Variants in MAML2 observed in about 807,000 individuals in gnomAD.
MAML2 encodes the protein mastermind like transcriptional coactivator 2, also known as mastermind-like protein 2.
MAML2 carries 22 observed loss-of-function variants against 96.1 expected under a neutral mutation model. The observed-to-expected ratio is 0.23, with a 90% CI of 0.16 to 0.33. The LOEUF is 0.33. MAML2 is among the 10% of genes least tolerant of loss of function. The pLI, the probability that MAML2 is intolerant of heterozygous loss-of-function variation, is 1.00. For missense variants in MAML2, 1,367 were observed against 1,392.4 expected (o/e 0.98, Z 0.29); for synonymous variants, 561 against 521.3 (o/e 1.08, Z -1.04).
Position 96,014,108 on chromosome 11 carries a change from C to T in MAML2, c.2140-22385G>A, listed in dbSNP as rs533554449. On this transcript the variant is annotated intron_variant, in intron 2 of 4. Coordinates refer to ENST00000524717, the MANE Select transcript of MAML2 (RefSeq NM_032427.4). Reference sequence around the variant, plus strand: ...TATGCTCCCTTAGAGGTTTGATCAGCGGGGCACTGATGAAGCGAGCCACTT... The same window carrying T: ...TATGCTCCCTTAGAGGTTTGATCAGTGGGGCACTGATGAAGCGAGCCACTT... 7.2e-5 allele frequency among the ~76,000 whole-genome samples: 11 copies of T among 152,258 alleles called. 1 individual carries two copies. The South Asian group carries it at 1.0e-3, about 14-fold the overall frequency.
rs183364434 is a variant in MAML2 at position 96,317,662 on chromosome 11, G to A, written c.513+23721C>T. Among the ~76,000 whole-genome samples the A allele has an allele frequency of 1.9e-3, 290 of 152,342 alleles. 1 individual carries two copies. Among genetic ancestry groups the A allele is most frequent in the Non-Finnish European group, 2.0e-3 (134 of 68,030 alleles). ...AAGAGGAACTGAAAATAGGGCTGCA[G>A]GCTGCCCAGCTTTGGAAAGGCAAGA... On this transcript the variant is annotated intron_variant, in intron 1 of 4. Transcript: ENST00000524717.
chr11:96,314,407 C>T (rs1863599847), intron 1 of MAML2, among the ~76,000 whole-genome samples: 1 of 152,240 alleles, frequency 6.6e-6, no homozygotes, highest in South Asian at 2.1e-4. Flanking sequence ...TTGATATCCC[C>T]TCTTTCCTAG....
intron 2 of MAML2, among the ~76,000 whole-genome samples, chr11:96,071,720 A>G (rs1859347573): frequency 6.6e-6 from 1 of 152,212 alleles, no homozygotes; most frequent in Admixed American, 6.5e-5. Context: ...ACTGGAATTT[A>G]TTTTTAAATT....
At chr11:96,332,643 C>A (rs1343772035) in intron 1 of MAML2, among the ~76,000 whole-genome samples, 1 of 152,202 alleles carries the variant, frequency 6.6e-6, no homozygotes, top group Non-Finnish European at 1.5e-5. Context: ...GGATAATACA[C>A]TAGCACATAC....
chr11:96,242,199 G>A (rs1862446624), intron 1 of MAML2, among the ~76,000 whole-genome samples: 1 of 152,190 alleles, frequency 6.6e-6, no homozygotes, highest in Admixed American at 6.5e-5. Context: ...AACCCTTGAT[G>A]AATAAAGTGA....
chr11:96,342,497 A>C lies in MAML2; in HGVS notation c.-602T>G. ...ACAGTGCTGTTTCAGAAGATGTTTAAGTCACTGTTCAAAATGTGCAAAAAT... is the reference window on the plus strand; with the variant it reads ...ACAGTGCTGTTTCAGAAGATGTTTACGTCACTGTTCAAAATGTGCAAAAAT... On this transcript the variant is annotated 5_prime_UTR_variant, in exon 1 of 5. Coordinates refer to ENST00000524717, the MANE Select transcript of MAML2 (RefSeq NM_032427.4). The C allele has an allele frequency of 2.5e-6, 1 of 398,588 alleles. No homozygotes were observed. The highest frequency in any genetic ancestry group is 4.4e-6 in the Non-Finnish European group (1 of 226,062). The allele number at this position is 398,588 out of a possible 1,614,324, so 24.7% of individuals were successfully genotyped here.
At chr11:95,983,536 A>C (rs1477871709) in intron 4 of MAML2, among the ~76,000 whole-genome samples, 2 of 152,214 alleles carry the variant, frequency 1.3e-5, no homozygotes, top group African/African-American at 4.8e-5. Context: ...CTATGTTTTC[A>C]AATACCAAGA....
chr11:96,251,900 T>C (rs1477030950), intron 1 of MAML2, among the ~76,000 whole-genome samples: 1 of 151,754 alleles, frequency 6.6e-6, no homozygotes, highest in Admixed American at 6.6e-5. Context: ...CACAGCTAAT[T>C]TTTTTGTATT....
rs1252980876 is a variant in MAML2 at position 95,979,876 on chromosome 11, A to T, written c.2543T>A (p.Leu848His). ...THTILTPNSS[L>H]LSTSHGTRMP... ...TCTTGTCCCGTGAGAAGTAGACAGG[A>T]GGCTGGAATTGGGAGTTAAAATGGT... Residue 848 changes from leucine (L) to histidine (H), a missense_variant, in exon 5 of 5, where the codon CTC becomes CAC. Physicochemically the swap from Leu to His is moderately conservative, Grantham distance 99 (BLOSUM62 -3). Coordinates refer to ENST00000524717, the MANE Select transcript of MAML2 (RefSeq NM_032427.4). The T allele has an allele frequency of 6.2e-7, 1 of 1,613,916 alleles. No homozygotes were observed. Among genetic ancestry groups the T allele is most frequent in the Non-Finnish European group, 8.5e-7 (1 of 1,179,842 alleles).
At chr11:96,240,508 G>A (rs1472623886) in intron 1 of MAML2, among the ~76,000 whole-genome samples, 1 of 127,690 alleles carries the variant, frequency 7.8e-6, no homozygotes, top group East Asian at 2.5e-4. Flanking sequence ...CCGAGATTGC[G>A]CCACTGCAGT....
chr11:96,341,247 C>G, intron 1 of MAML2, 136 bp downstream of exon 1: 1 of 984,224 alleles, frequency 1.0e-6, no homozygotes, highest in Non-Finnish European at 1.5e-6. Context: ...CGAACACACC[C>G]AATGGCCTTT....
At chr11:96,091,807 A>T in intron 2 of MAML2, 85 bp downstream of exon 2, 1 of 1,504,514 alleles carries the variant, frequency 6.6e-7, no homozygotes, top group Admixed American at 2.2e-5. Flanking sequence ...ATCTTGTCCC[A>T]ATACAAACAT....
chr11:96,223,496 G>A (rs937914000), intron 1 of MAML2, among the ~76,000 whole-genome samples: 6 of 152,046 alleles, frequency 3.9e-5, no homozygotes, highest in African/African-American at 1.2e-4. Flanking sequence ...CATTTGTCTT[G>A]CCCTGAGTCC....
rs1860645716 is a variant in MAML2 at position 96,137,039 on chromosome 11, C to G, written c.514-43522G>C. On this transcript the variant is annotated intron_variant, in intron 1 of 4. Transcript: ENST00000524717. ...TTTTTAAAAAATGCCATCAGGGAAG[C>G]TTAACTACAACAATTCTCTTTCAGT... Among the ~76,000 whole-genome samples, 4 of 152,134 alleles carry G rather than the reference C, an allele frequency of 2.6e-5. No individual in the cohort carries two copies. The South Asian group carries it at 8.3e-4, about 31-fold the overall frequency.
At chr11:96,335,760 C>T (rs1232198741) in intron 1 of MAML2, among the ~76,000 whole-genome samples, 1 of 152,180 alleles carries the variant, frequency 6.6e-6, no homozygotes, top group Non-Finnish European at 1.5e-5. Flanking sequence ...TTTGCTCTTA[C>T]CGGATCTCCA....
At chr11:96,282,820 C>A (rs1055907523) in intron 1 of MAML2, among the ~76,000 whole-genome samples, 2 of 152,142 alleles carry the variant, frequency 1.3e-5, no homozygotes, top group African/African-American at 4.8e-5. Flanking sequence ...AAATAATCTT[C>A]AAAAATTGGA....
chr11:96,092,544 G>C lies in MAML2; in HGVS notation c.1487C>G (p.Pro496Arg), dbSNP rs756997365. 1 of 1,601,382 alleles carries C rather than the reference G, an allele frequency of 6.2e-7. No homozygotes were observed. ...GCTGCCGCCAGCTACCCCAGGCATG[G>C]GGGAGCTCTGTGGGCTGAATGTCTG... ...GQQTFSPQSS[P>R]MPGVAGGSGQ... is the part of the protein sequence containing the mutation. The change falls in exon 2 of 5, where the codon CCC becomes CGC. Residue 496 changes from proline (P) to arginine (R), a missense_variant. Pro to Arg is a moderately radical substitution (Grantham distance 103). Transcript: ENST00000524717. This position sits in a 1 kb window ranked among gnomAD's most constrained non-coding sequence, Gnocchi z 4.1.
chr11:96,005,364 G>A (rs1399706397), intron 2 of MAML2, among the ~76,000 whole-genome samples: 2 of 152,004 alleles, frequency 1.3e-5, no homozygotes, highest in Non-Finnish European at 2.9e-5. Context: ...ACTTCTCTAG[G>A]CCTTACTTTC....
At position 96,340,711 on chromosome 11, in the gene MAML2, G is replaced by T. The variant is rs947110294; in HGVS notation, c.513+672C>A. ...GAGCATTACTGGATTGGACTGGAGT[G>T]CTTGGGAAAATAATCGAGATGTGGC... On this transcript the variant is annotated intron_variant, in intron 1 of 4. Transcript: ENST00000524717. Among the ~76,000 whole-genome samples the T allele has an allele frequency of 2.6e-5, 4 of 152,296 alleles. No individual in the cohort carries two copies. In the South Asian group the frequency reaches 8.3e-4, roughly 32 times the overall value.
Sources: allele counts gnomAD v4.1 joint callset (sites outside exome capture counted in the v4.1 genomes callset), GRCh38; gene constraint gnomAD v4.1.1; non-coding constraint Gnocchi (gnomAD v3.1); transcripts MANE v1.5; gene names NCBI Gene and HGNC (gene_info 2026-07-23, HGNC 2026-07-21).